The following FGD4 variants were observed in gnomAD, a reference collection of about 807,000 sequenced individuals.
The protein encoded by FGD4 is FYVE, RhoGEF and PH domain containing 4, also known as FYVE, RhoGEF and PH domain-containing protein 4.
A neutral mutation model predicts 102.0 loss-of-function variants in FGD4; 42 were observed. The observed-to-expected ratio is 0.41, with a 90% CI of 0.32 to 0.53. The LOEUF (loss-of-function observed/expected upper bound fraction) is 0.53, where lower values mean the gene tolerates loss of function less well. Among genes scored for constraint, FGD4 ranks in the 20% least tolerant of loss-of-function variants. The pLI is 0.21. For synonymous variants in FGD4, 380 were observed against 375.7 expected (o/e 1.01, Z -0.13); for missense variants, 902 against 1,078.2 (o/e 0.84, Z 2.29).
chr12:32,487,674 G>T (rs1290311912), intron 1 of FGD4, among the ~76,000 whole-genome samples: 1 of 152,138 alleles, frequency 6.6e-6, no homozygotes, highest in Admixed American at 6.6e-5. Flanking sequence ...TGATCCACCC[G>T]CCTTTGCCTC....
intron 3 of FGD4, 62 bp from the exon 4 acceptor site, chr12:32,581,898 T>C: frequency 6.3e-7 from 1 of 1,580,020 alleles, no homozygotes; most frequent in African/African-American, 1.3e-5. Context: ...AATAAACTTG[T>C]CTTAATTCTA....
Position 32,598,487 on chromosome 12 carries a change from C to T in FGD4, c.1012-10C>T. 6.3e-7 allele frequency: 1 copy of T among 1,598,558 alleles called. No individual in the cohort carries two copies. Among genetic ancestry groups the T allele is most frequent in the Non-Finnish European group, 8.6e-7 (1 of 1,168,792 alleles). On this transcript the variant is annotated splice_polypyrimidine_tract_variant and intron_variant, in intron 4 of 16. Transcript: ENST00000534526. ...CTTTCCTAATGTGTGAATATCTTTC[C>T]AATTTTTAGGAGACTAATGAGCAAA...
intron 4 of FGD4, among the ~76,000 whole-genome samples, chr12:32,595,652 G>A (rs1188180936): frequency 6.6e-6 from 1 of 152,138 alleles, no homozygotes; most frequent in Non-Finnish European, 1.5e-5. Flanking sequence ...TGACTGTATA[G>A]TAGTAATATA....
In FGD4 at chr12:32,616,640, T is replaced by G. The variant is rs142836595; in HGVS notation, c.1750-3058T>G. 2.6e-3 allele frequency among the ~76,000 whole-genome samples: 392 copies of G among 152,312 alleles called. 5 individuals are homozygous for G. The highest frequency in any genetic ancestry group is 9.2e-3 in the African/African-American group (383 of 41,570). On this transcript the variant is annotated intron_variant, in intron 10 of 16. Transcript: ENST00000534526. Reference sequence around the variant, plus strand: ...TTTTCTTTTCTCTCTAGAAAGGTAATGAGGGCTAGTTTTCTGTTTCCTACA... The same window carrying G: ...TTTTCTTTTCTCTCTAGAAAGGTAAGGAGGGCTAGTTTTCTGTTTCCTACA...
intron 1 of FGD4, among the ~76,000 whole-genome samples, chr12:32,519,894 C>CT (rs1940322144): frequency 6.6e-6 from 1 of 152,194 alleles, no homozygotes; most frequent in South Asian, 2.1e-4. Context: ...CTACAGTGAG[C>CT]TGAGATCATG....
intron 1 of FGD4, among the ~76,000 whole-genome samples, chr12:32,492,860 G>A (rs1944158326): frequency 6.6e-6 from 1 of 152,144 alleles, no homozygotes; most frequent in South Asian, 2.1e-4. Flanking sequence ...ATGGGAATCA[G>A]TATTTCTTCT....
At chr12:32,493,350 G>T (rs761850052) in intron 1 of FGD4, among the ~76,000 whole-genome samples, 3 of 152,210 alleles carry the variant, frequency 2.0e-5, no homozygotes, top group Non-Finnish European at 4.4e-5. Flanking sequence ...GGTCCTCATT[G>T]TTTCCCAGGC....
At chr12:32,589,780 A>G (rs185160187) in intron 4 of FGD4, among the ~76,000 whole-genome samples, 2 of 152,108 alleles carry the variant, frequency 1.3e-5, no homozygotes, top group Non-Finnish European at 2.9e-5. Context: ...AAAAGCTCTC[A>G]CTTTTAACTC....
At chr12:32,503,632 G>T (rs1038990534) in intron 1 of FGD4, among the ~76,000 whole-genome samples, 1 of 151,728 alleles carries the variant, frequency 6.6e-6, no homozygotes, top group Non-Finnish European at 1.5e-5. Flanking sequence ...TTTTCTTAAG[G>T]TACAAAATTA....
chr12:32,500,625 G>C (rs1390708271), intron 1 of FGD4, among the ~76,000 whole-genome samples: 1 of 151,894 alleles, frequency 6.6e-6, no homozygotes, highest in African/African-American at 2.4e-5. Context: ...GTAGAGACGG[G>C]ATTTCACCGT....
rs1591828764 is a variant in FGD4, at chr12:32,399,697, C to A, written c.-97C>A. ...CCGCAGTAGAGGGCGCCCCCGGAGT[C>A]GCGCCGAACCTGGGCATGCAGGCGA... On this transcript the variant is annotated 5_prime_UTR_variant, in exon 1 of 17. Transcript: ENST00000534526. 2.0e-6 allele frequency: 3 copies of A among 1,466,148 alleles called. No individual in the cohort carries two copies. The highest frequency in any genetic ancestry group is 2.7e-6 in the Non-Finnish European group (3 of 1,119,202). 90.8% of individuals were successfully genotyped at this position (1,466,148 alleles called of 1,614,324 possible).
rs1386777983 is a variant in FGD4, at chr12:32,624,895, T to C, written c.1954-81T>C. 5.9e-6 allele frequency: 7 copies of C among 1,185,704 alleles called. No homozygotes were observed. In the African/African-American group the frequency reaches 1.1e-4, roughly 18 times the overall value. The allele number at this position is 1,185,704 out of a possible 1,614,324, so 73.4% of individuals were successfully genotyped here. A position where few individuals can be genotyped will look rare whatever the true frequency, so the allele number is the denominator to read the frequency against. The stretch of plus-strand genomic sequence containing the variant: ...TTAATTTTCAAAGTGATTCCTATCA[T>C]AGATATTTGTTTGATAAAGTATATT... On this transcript the variant is annotated intron_variant, in intron 12 of 16. Transcript: ENST00000534526.
Position 32,643,689 on chromosome 12 carries a change from C to T in FGD4, c.*3156C>T, listed in dbSNP as rs1342190973. 1 of 151,066 alleles carries T rather than the reference C, an allele frequency of 6.6e-6. No individual in the cohort carries two copies. The highest frequency in any genetic ancestry group is 2.4e-5 in the African/African-American group (1 of 41,122). The allele number at this position is 151,066 out of a possible 1,614,324, so 9.4% of individuals were successfully genotyped here. A position where few individuals can be genotyped will look rare whatever the true frequency, so the allele number is the denominator to read the frequency against. ...TTTGGATTTTTTTTTTTTAAGAACA[C>T]TTGTTCTAGTTATAAATATATAAAG... On this transcript the variant is annotated 3_prime_UTR_variant, in exon 17 of 17. Coordinates refer to ENST00000534526, the MANE Select transcript of FGD4 (RefSeq NM_001370298.3).
At chr12:32,423,452 C>T (rs1453528260) in intron 1 of FGD4, among the ~76,000 whole-genome samples, 1 of 151,602 alleles carries the variant, frequency 6.6e-6, no homozygotes, top group African/African-American at 2.4e-5. Context: ...ATTAGCCGGG[C>T]GTGGTGGCAG....
chr12:32,590,530 C>T (rs1205499390), intron 4 of FGD4, among the ~76,000 whole-genome samples: 1 of 152,030 alleles, frequency 6.6e-6, no homozygotes, highest in African/African-American at 2.4e-5. Flanking sequence ...TTTCTTGTTC[C>T]CCAAATCCAG....
intron 1 of FGD4, among the ~76,000 whole-genome samples, chr12:32,441,294 C>T (rs924855448): frequency 6.6e-6 from 1 of 152,066 alleles, no homozygotes; most frequent in Non-Finnish European, 1.5e-5. Flanking sequence ...TACCCAAAGC[C>T]CTCAGTGTAG....
At chr12:32,424,590 A>G (rs1941763451) in intron 1 of FGD4, among the ~76,000 whole-genome samples, 1 of 152,160 alleles carries the variant, frequency 6.6e-6, no homozygotes, top group African/African-American at 2.4e-5. Flanking sequence ...ATGCCCGATA[A>G]TGGGATTGCT....
intron 10 of FGD4, among the ~76,000 whole-genome samples, chr12:32,612,914 A>T (rs1164031090): frequency 6.6e-6 from 1 of 151,332 alleles, no homozygotes; most frequent in Non-Finnish European, 1.5e-5. Flanking sequence ...CATCCAGACA[A>T]TTTTTTTTTC....
intron 4 of FGD4, among the ~76,000 whole-genome samples, chr12:32,585,873 TG>T (rs1485091266): frequency 7.2e-6 from 1 of 138,752 alleles, no homozygotes; most frequent in Non-Finnish European, 1.5e-5. Flanking sequence ...GAAATGCAGA[TG>T]AAGGAGCAGT....
Sources: allele counts gnomAD v4.1 joint callset (sites outside exome capture counted in the v4.1 genomes callset), GRCh38; gene constraint gnomAD v4.1.1; transcripts MANE v1.5; gene names NCBI Gene and HGNC (gene_info 2026-07-23, HGNC 2026-07-21).